The following UNC45A variants were observed in gnomAD, a reference collection of about 807,000 sequenced individuals.
The protein encoded by UNC45A is unc-45 myosin chaperone A.
A neutral mutation model predicts 103.2 loss-of-function variants in UNC45A; 78 were observed. The ratio of observed to expected loss-of-function variants is 0.76; its 90% CI spans 0.63 to 0.91. The LOEUF (loss-of-function observed/expected upper bound fraction) is 0.91, where lower values mean the gene tolerates loss of function less well. UNC45A is among the 40% of genes least tolerant of loss of function. The pLI is 0.00. For synonymous variants in UNC45A, 495 were observed against 504.6 expected (o/e 0.98, Z 0.25); for missense variants, 1,193 against 1,224.8 (o/e 0.97, Z 0.39).
At chr15:90,940,198 A>C (rs1490507971) in intron 5 of UNC45A, 108 bp from the exon 6 acceptor site, 4 of 1,286,520 alleles carry the variant, frequency 3.1e-6, no homozygotes, top group Non-Finnish European at 4.3e-6. Flanking sequence ...TGGTCACTCA[A>C]CTGTGAAGTG....
intron 10 of UNC45A, chr15:90,947,585 C>G: frequency 1.7e-6 from 1 of 587,030 alleles, no homozygotes; most frequent in South Asian, 2.0e-5. Flanking sequence ...GCATCAGTGT[C>G]TGCAGATGCT....
chr15:90,953,770 AGAGTAAG>A lies in UNC45A; in HGVS notation c.*57_*63del, dbSNP rs1281990910. ...GCACACGCTACCTATTGTGGCACGG[AGAGTAAG>A]GACGGAAGCAGCTTTGGCTGGTGGT... is the stretch of plus-strand genomic sequence containing the variant. On this transcript the variant is annotated 3_prime_UTR_variant, in exon 20 of 20. Coordinates refer to ENST00000418476, the MANE Select transcript of UNC45A (RefSeq NM_018671.5). 4 of 1,583,248 alleles carry A rather than the reference AGAGTAAG, an allele frequency of 2.5e-6. No individual in the cohort carries two copies. The highest frequency in any genetic ancestry group is 3.4e-6 in the Non-Finnish European group (4 of 1,162,478).
chr15:90,942,750 T>C, intron 7 of UNC45A, 145 bp downstream of exon 7: 2 of 1,496,670 alleles, frequency 1.3e-6, no homozygotes, highest in Non-Finnish European at 1.8e-6. Context: ...TTACTCTAGA[T>C]TCTCAGCAAC....
chr15:90,942,071 A>G (rs189488508), intron 6 of UNC45A, among the ~76,000 whole-genome samples: 2 of 152,036 alleles, frequency 1.3e-5, no homozygotes, highest in Non-Finnish European at 2.9e-5. Flanking sequence ...CTCAGGGTTT[A>G]GACTGGGGAA....
At chr15:90,939,663 A>G in intron 4 of UNC45A, 68 bp from the exon 5 acceptor site, 1 of 1,540,086 alleles carries the variant, frequency 6.5e-7, no homozygotes, top group Non-Finnish European at 9.0e-7. Flanking sequence ...CTGGAGACAA[A>G]TGAATAGGGA....
rs1261400853 is a variant in UNC45A at position 90,948,707 on chromosome 15, C to T, written c.1791C>T (p.Thr597=). 4 of 1,613,950 alleles carry T rather than the reference C, an allele frequency of 2.5e-6. No homozygotes were observed. In the East Asian group the frequency reaches 6.7e-5, roughly 27 times the overall value. ...TGGCCTCAGCGCTGGTGAACTGCAC[C>T]AACAGCTATGACTACGAGGAGCCCG... ...FAVASALVNC[T]NSYDYEEPDP... is the part of the protein sequence containing the mutation. Residue 597 remains threonine, a synonymous_variant, in exon 13 of 20, where the codon ACC becomes ACT. Coordinates refer to ENST00000418476, the MANE Select transcript of UNC45A (RefSeq NM_018671.5).
rs2036340129 is a variant in UNC45A, at chr15:90,942,452, A to C, written c.703A>C (p.Ser235Arg). 1.2e-6 allele frequency: 2 copies of C among 1,612,886 alleles called. No homozygotes were observed. Among genetic ancestry groups the C allele is most frequent in the East Asian group, 4.5e-5 (2 of 44,854 alleles). ...EHQSRTVATL[S>R]ILGTRRVVSI... ...CCCACCCCAGACAGTGGCAACCCTG[A>C]GCATACTGGGAACTCGGCGAGTAGT... Residue 235 changes from serine to arginine, a missense_variant, in exon 7 of 20, where the codon AGC becomes CGC. Physicochemically the swap from Ser to Arg is moderately radical, Grantham distance 110. Transcript: ENST00000418476.
At chr15:90,932,970 T>C (rs946244476), upstream of UNC45A, 1 of 157,814 alleles carries the variant, frequency 6.3e-6, no homozygotes. Context: ...CCAAGAACCA[T>C]CTTCAACCTG....
In UNC45A at chr15:90,942,458, C is replaced by T. The variant is rs201070959; in HGVS notation, c.709C>T (p.Leu237=). The stretch of plus-strand genomic sequence containing the variant: ...CCAGACAGTGGCAACCCTGAGCATA[C>T]TGGGAACTCGGCGAGTAGTCTCCAT... ...QSRTVATLSI[L]GTRRVVSILG... is the part of the protein sequence containing the mutation. The change falls in exon 7 of 20, where the codon CTG becomes TTG. Residue 237 remains leucine, a synonymous_variant. Transcript: ENST00000418476. 319 of 1,613,500 alleles carry T rather than the reference C, an allele frequency of 2.0e-4. 2 individuals carry two copies. The East Asian group carries it at 5.9e-3, about 30-fold the overall frequency.
chr15:90,950,480 A>G lies in UNC45A; in HGVS notation c.2188-20A>G. 2.5e-6 allele frequency: 4 copies of G among 1,610,792 alleles called. No individual in the cohort carries two copies. Among genetic ancestry groups the G allele is most frequent in the Non-Finnish European group, 3.4e-6 (4 of 1,177,498 alleles). ...GGGGGCTGCGGCAAGTACCCCTGAC[A>G]GGTGGGGTGCACATTGCAGATCTAT... On this transcript the variant is annotated intron_variant, in intron 16 of 19. Coordinates refer to ENST00000418476, the MANE Select transcript of UNC45A (RefSeq NM_018671.5).
intron 10 of UNC45A, 28 bp downstream of exon 10, chr15:90,946,942 G>GGGGGGGC: frequency 2.4e-6 from 2 of 817,446 alleles, no homozygotes; most frequent in Non-Finnish European, 4.0e-6. Flanking sequence ...GGGTGGGTGG[G>GGGGGGGC]CAGGCAGCCA....
At chr15:90,934,129 C>G (rs1466069279), upstream of UNC45A, 2 of 399,098 alleles carry the variant, frequency 5.0e-6, no homozygotes, top group Admixed American at 8.8e-5. Context: ...CTTGTCCAGC[C>G]AACCTCTCTC....
At position 90,946,749 on chromosome 15, in the gene UNC45A, G is replaced by C. The variant is rs756731614; in HGVS notation, c.1335G>C (p.Leu445=). 1 of 1,614,052 alleles carries C rather than the reference G, an allele frequency of 6.2e-7. No individual in the cohort carries two copies. Among genetic ancestry groups the C allele is most frequent in the Non-Finnish European group, 8.5e-7 (1 of 1,180,042 alleles). ...LSGVMESVIA[L]CASEQEEEQL... Reference sequence around the variant, plus strand: ...GTGTCATGGAGAGTGTGATTGCTCTGTGTGCCTCTGAGCAGGAGGAGGAGC... The same window carrying C: ...GTGTCATGGAGAGTGTGATTGCTCTCTGTGCCTCTGAGCAGGAGGAGGAGC... The change falls in exon 10 of 20, where the codon CTG becomes CTC. Residue 445 remains leucine (L), a synonymous_variant. Transcript: ENST00000418476.
chr15:90,949,526 C>T (rs2036773241), intron 14 of UNC45A, 83 bp downstream of exon 14: 1 of 1,601,036 alleles, frequency 6.2e-7, no homozygotes, highest in Non-Finnish European at 8.5e-7. Context: ...GTGCAGGTTC[C>T]AGTGCTGTGG....
At chr15:90,932,082 C>A (rs1424094375), upstream of UNC45A, 2 of 1,608,556 alleles carry the variant, frequency 1.2e-6, no homozygotes, top group East Asian at 2.2e-5. Flanking sequence ...CAGTGATTCC[C>A]GCCTCGTGGG....
chr15:90,936,432 G>A lies in UNC45A; in HGVS notation c.398G>A (p.Arg133Gln), dbSNP rs147481345. The A allele has an allele frequency of 1.5e-4, 238 of 1,614,160 alleles. 1 individual carries two copies. In the African/African-American group the frequency reaches 2.5e-3, roughly 17 times the overall value. ...PKNKVFQEAL[R>Q]NIGGQIQEKV... ...AACAAAGTTTTCCAGGAGGCCTTGC[G>A]GAACATCGGGGGCCAGATTCAGGAG... Residue 133 changes from arginine to glutamine, a missense_variant, in exon 4 of 20, where the codon CGG becomes CAG. By Grantham distance (43) the Arg-to-Gln change is conservative. Transcript: ENST00000418476.
chr15:90,946,003 A>G (rs2036548377), intron 9 of UNC45A, among the ~76,000 whole-genome samples: 1 of 150,366 alleles, frequency 6.7e-6, no homozygotes, highest in Admixed American at 6.7e-5. Flanking sequence ...TAATCCCAGC[A>G]CTTTGGGAGG....
At chr15:90,936,741 T>C (rs8034780) in intron 4 of UNC45A, among the ~76,000 whole-genome samples, 21,268 of 152,156 alleles carry the variant, frequency 0.14, 2,318 homozygotes, top group African/African-American at 0.3. Context: ...GGGTATAAAT[T>C]GGTACAGCTC....
chr15:90,934,421 G>A (rs2004840), upstream of UNC45A: 57,195 of 398,868 alleles, frequency 0.14, 5,790 homozygotes, highest in East Asian at 0.41. Context: ...GCCCTCGTCT[G>A]TCTGATTCTC....
Sources: gnomAD v4.1 joint callset for allele counts (sites outside exome capture counted in the v4.1 genomes callset) on GRCh38, gnomAD v4.1.1 for gene constraint, MANE v1.5 for transcripts, NCBI Gene and HGNC (gene_info 2026-07-23, HGNC 2026-07-21) for gene names.